Variants in KANSL3 observed in about 807,000 individuals in gnomAD.
KANSL3 encodes the protein NSL complex protein NSL3.
In KANSL3, 16 loss-of-function variants were observed where a neutral mutation model predicts 89.2. That is an observed-to-expected ratio of 0.18 (90% CI 0.12 to 0.27). The LOEUF is 0.27. KANSL3 is among the 10% of genes least tolerant of loss of function. The probability of loss-of-function intolerance (pLI) is 1.00; values close to 1 mark genes in which losing one functional copy is unlikely to be tolerated. For synonymous variants in KANSL3, 385 were observed against 419.7 expected (o/e 0.92, Z 1.01); for missense variants, 879 against 1,110.6 (o/e 0.79, Z 2.96).
At chr2:96,598,526 T>G (rs953369417) in intron 20 of KANSL3, among the ~76,000 whole-genome samples, 1 of 152,184 alleles carries the variant, frequency 6.6e-6, no homozygotes, top group South Asian at 2.1e-4. Flanking sequence ...ATAAAAAGAA[T>G]AGGACACACT....
At chr2:96,612,722 G>A (rs1573438360) in intron 7 of KANSL3, 96 bp downstream of exon 7, 11 of 1,130,046 alleles carry the variant, frequency 9.7e-6, no homozygotes, top group Middle Eastern at 2.6e-4. Context: ...CCACATTCAA[G>A]TTACCCATTT....
At chr2:96,586,387 C>T in the KANSL3 span, among the ~76,000 whole-genome samples, 4 of 152,038 alleles carry the variant, frequency 2.6e-5, no homozygotes, top group African/African-American at 9.7e-5. Flanking sequence ...AACCAAAAAC[C>T]ACCTCTTCCC....
chr2:96,637,668 A>C (rs906583428), intron 1 of KANSL3, among the ~76,000 whole-genome samples: 2 of 152,216 alleles, frequency 1.3e-5, no homozygotes, highest in African/African-American at 4.8e-5. Flanking sequence ...CGCCGGCCTC[A>C]AAAAAGCGAA....
the KANSL3 span, among the ~76,000 whole-genome samples, chr2:96,581,675 T>C: frequency 2.0e-5 from 3 of 152,232 alleles, no homozygotes; most frequent in African/African-American, 7.2e-5. Context: ...ACAAACTTTA[T>C]AGATACTTAA....
chr2:96,586,675 G>C, the KANSL3 span, among the ~76,000 whole-genome samples: 6 of 152,154 alleles, frequency 3.9e-5, no homozygotes, highest in Non-Finnish European at 5.9e-5. Flanking sequence ...GACTGCAGTC[G>C]CTATCCACAG....
At position 96,610,793 on chromosome 2, in the gene KANSL3, C is replaced by T. The variant is rs2068796177; in HGVS notation, c.1252G>A (p.Asp418Asn). The stretch of plus-strand genomic sequence containing the variant: ...TCAGCTCGAATCTTCTCCCGGAAGT[C>T]CTCCATGGCTTCAGGGTGACATTGA... Reference protein sequence around the residue: ...SLQCHPEAMEDFREKIRAENS... With the variant: ...SLQCHPEAMENFREKIRAENS... The change falls in exon 11 of 21, where the codon GAC becomes AAC. Residue 418 changes from aspartate to asparagine, a missense_variant. Asp to Asn is a conservative substitution (Grantham distance 23). Coordinates refer to ENST00000431828, the MANE Select transcript of KANSL3 (RefSeq NM_001115016.3). The T allele has an allele frequency of 6.2e-7, 1 of 1,613,900 alleles. No individual in the cohort carries two copies. Among genetic ancestry groups the T allele is most frequent in the African/African-American group, 1.3e-5 (1 of 74,920 alleles).
At chr2:96,629,532 G>C (rs1240685311) in intron 3 of KANSL3, among the ~76,000 whole-genome samples, 1 of 152,192 alleles carries the variant, frequency 6.6e-6, no homozygotes, top group Non-Finnish European at 1.5e-5. Context: ...ATGTTGGTCA[G>C]GCTGGTCTTG....
chr2:96,619,697 C>T lies in KANSL3; in HGVS notation c.452G>A (p.Arg151Gln), dbSNP rs1439696180. 6.4e-6 allele frequency: 10 copies of T among 1,565,922 alleles called. No homozygotes were observed. The highest frequency in any genetic ancestry group is 1.7e-4 in the Middle Eastern group (1 of 6,032). ...CCCTTCGTTGGCCAAGCGGGCAAGC[C>T]GGTCAGACTGCAGGGCTTTGAGGAT... ...NKILKALQSD[R>Q]LARLANEGAC... The change falls in exon 4 of 21, where the codon CGG becomes CAG. Residue 151 changes from arginine (R) to glutamine (Q), a missense_variant. Around this residue, in one of 6 missense-constraint regions of KANSL3, gnomAD observed 210 missense variants for 311.9 expected, o/e 0.67. Coordinates refer to ENST00000431828, the MANE Select transcript of KANSL3 (RefSeq NM_001115016.3).
rs1054693753 is a variant in KANSL3 at position 96,595,417 on chromosome 2, T to C, written c.*194A>G. 21 of 559,924 alleles carry C rather than the reference T, an allele frequency of 3.8e-5. No individual in the cohort carries two copies. Among genetic ancestry groups the C allele is most frequent in the Non-Finnish European group, 6.4e-5 (20 of 312,806 alleles). 34.7% of individuals were successfully genotyped at this position (559,924 alleles called of 1,614,324 possible). On this transcript the variant is annotated 3_prime_UTR_variant, in exon 21 of 21. Coordinates refer to ENST00000431828, the MANE Select transcript of KANSL3 (RefSeq NM_001115016.3). ...AACCAGATTTGCAGATCCTGGACGA[T>C]GGTGCTTCCCTTGCTGGCACCGTAT...
At chr2:96,638,239 TC>T (rs893861494) in intron 1 of KANSL3, 43 bp downstream of exon 1, 2 of 151,620 alleles carry the variant, frequency 1.3e-5, no homozygotes, top group African/African-American at 4.9e-5. Flanking sequence ...ACGGCCGCGA[TC>T]CCCACGGCCC....
At chr2:96,610,563 C>T in intron 11 of KANSL3, 163 bp downstream of exon 11, 1 of 623,558 alleles carries the variant, frequency 1.6e-6, no homozygotes. Context: ...GATCCGCCTG[C>T]CTCAGCCTCC....
chr2:96,598,035 A>G (rs1051405554), intron 20 of KANSL3: 11 of 903,140 alleles, frequency 1.2e-5, no homozygotes, highest in Non-Finnish European at 1.3e-5. Flanking sequence ...CTCTCTTCTC[A>G]ATGGTAACTG....
intron 5 of KANSL3, among the ~76,000 whole-genome samples, chr2:96,616,150 G>A (rs1224714859): frequency 6.6e-6 from 1 of 152,292 alleles, no homozygotes. Context: ...GGAGGAGGAT[G>A]TAAAAAGCCA....
chr2:96,631,582 TAA>T (rs1487796449), intron 2 of KANSL3, 100 bp from the exon 3 acceptor site: 2 of 1,370,824 alleles, frequency 1.5e-6, no homozygotes, highest in South Asian at 2.5e-5. Context: ...CAGTCAGCTT[TAA>T]ATTACGCATA....
chr2:96,592,779 G>A (rs992873789), downstream of KANSL3, among the ~76,000 whole-genome samples: 4 of 152,058 alleles, frequency 2.6e-5, no homozygotes, highest in African/African-American at 7.2e-5. Flanking sequence ...TGAGGCGGGC[G>A]GATCACAAGG....
chr2:96,628,293 A>G lies in KANSL3; in HGVS notation c.386+3019T>C, dbSNP rs530480591. The stretch of plus-strand genomic sequence containing the variant: ...GGTTTTCCAGACTTTCCTGCTGAGA[A>G]CAGACACTCTGGCCAGGCCACCCCA... On this transcript the variant is annotated intron_variant, in intron 3 of 20. Coordinates refer to ENST00000431828, the MANE Select transcript of KANSL3 (RefSeq NM_001115016.3). 4 of 980,496 alleles carry G rather than the reference A, an allele frequency of 4.1e-6. No individual in the cohort carries two copies. The South Asian group carries it at 1.9e-4, about 46-fold the overall frequency. The allele number at this position is 980,496 out of a possible 1,614,324, so 60.7% of individuals were successfully genotyped here.
At chr2:96,590,908 C>T (rs142459856), downstream of KANSL3, among the ~76,000 whole-genome samples, 42 of 152,220 alleles carry the variant, frequency 2.8e-4, no homozygotes, top group African/African-American at 9.4e-4. Flanking sequence ...ATTGCTTGAA[C>T]CAGGGAGGTG....
chr2:96,598,093 G>T, intron 20 of KANSL3: 1 of 985,364 alleles, frequency 1.0e-6, no homozygotes, highest in Non-Finnish European at 1.2e-6. Context: ...AACACAGGAG[G>T]AAGGGATCAC....
At chr2:96,613,676 C>T in intron 5 of KANSL3, 57 bp from the exon 6 acceptor site, 1 of 1,555,546 alleles carries the variant, frequency 6.4e-7, no homozygotes. Context: ...CCTTCCACCA[C>T]CAGCAATCAA....
Sources: allele counts gnomAD v4.1 joint callset (sites outside exome capture counted in the v4.1 genomes callset), GRCh38; gene constraint gnomAD v4.1.1; regional missense constraint gnomAD v4.1.1; transcripts MANE v1.5; gene names NCBI Gene and HGNC (gene_info 2026-07-23, HGNC 2026-07-21).